The following STAC variants were observed in gnomAD, a reference collection of about 807,000 sequenced individuals.
STAC encodes SH3 and cysteine rich domain, also known as SH3 and cysteine-rich domain-containing protein.
In STAC, 43 loss-of-function variants were observed where a neutral mutation model predicts 48.8. That is an observed-to-expected ratio of 0.88 (90% CI 0.69 to 1.14). The LOEUF (loss-of-function observed/expected upper bound fraction) is 1.14. Ranked by LOEUF, STAC falls within the 50% of genes most tolerant of loss-of-function variation. The pLI is 0.00. For missense variants in STAC, 497 were observed against 504.0 expected, an observed-to-expected ratio of 0.99 and a Z score of 0.13; for synonymous variants, 193 against 179.5, an observed-to-expected ratio of 1.07 and a Z score of -0.60.
At chr3:36,404,510 A>G (rs1322063344) in intron 1 of STAC, among the ~76,000 whole-genome samples, 2 of 152,220 alleles carry the variant, frequency 1.3e-5, no homozygotes, top group Non-Finnish European at 1.5e-5. Flanking sequence ...ATGCTCATGT[A>G]TATAAATACT....
chr3:36,536,710 C>T (rs1268971911), intron 10 of STAC, among the ~76,000 whole-genome samples: 1 of 151,984 alleles, frequency 6.6e-6, no homozygotes, highest in Non-Finnish European at 1.5e-5. Context: ...AGCTTCTGCA[C>T]AGCAAAAGAA....
intron 2 of STAC, among the ~76,000 whole-genome samples, chr3:36,478,414 T>C (rs997794612): frequency 1.3e-5 from 2 of 152,252 alleles, no homozygotes; most frequent in African/African-American, 4.8e-5. Flanking sequence ...CATGTATCTA[T>C]AATTATTTTT....
chr3:36,527,995 C>A (rs1232858778), intron 8 of STAC, among the ~76,000 whole-genome samples: 1 of 151,852 alleles, frequency 6.6e-6, no homozygotes, highest in Non-Finnish European at 1.5e-5. Context: ...ATGACCAATT[C>A]TAGATGTCAA....
intron 2 of STAC, among the ~76,000 whole-genome samples, chr3:36,476,018 G>C (rs1321596496): frequency 1.3e-5 from 2 of 152,256 alleles, no homozygotes; most frequent in African/African-American, 4.8e-5. Context: ...AGGCAGACTT[G>C]AACCTGGTGG....
intron 10 of STAC, among the ~76,000 whole-genome samples, chr3:36,533,475 G>GTTTTTTTTTTTTTTTTTTTTTTTTTT (rs58981589): frequency 1.6e-5 from 1 of 61,396 alleles, no homozygotes; most frequent in African/African-American, 6.4e-5. Flanking sequence ...TTGCTAGCAT[G>GTTTTTTTTTTTTTTTTTTTTTTTTTT]TTTTTTTTTT....
Position 36,380,750 on chromosome 3 carries a change from C to A in STAC, c.107C>A (p.Ser36Tyr). The A allele has an allele frequency of 6.2e-7, 1 of 1,610,144 alleles. No homozygotes were observed. The highest frequency in any genetic ancestry group is 1.7e-5 in the Admixed American group (1 of 59,776). ...PSPASTSSQE[S>Y]KLQKLKRSLS... ...CCTGCATCCACCAGCAGCCAGGAAT[C>A]CAAGGTACCGAGCACGCTTGCCCCC... The change falls in exon 1 of 11, where the codon TCC (serine) becomes TAC (tyrosine). Residue 36 changes from serine (S) to tyrosine (Y), a missense_variant. Coordinates refer to ENST00000273183, the MANE Select transcript of STAC (RefSeq NM_003149.3).
intron 1 of STAC, among the ~76,000 whole-genome samples, chr3:36,398,128 C>T (rs1413290070): frequency 6.6e-6 from 1 of 151,890 alleles, no homozygotes; most frequent in Non-Finnish European, 1.5e-5. Context: ...TCTCTGAGCC[C>T]GTGCATCTGG....
At chr3:36,542,558 C>T (rs1467156855) in intron 10 of STAC, among the ~76,000 whole-genome samples, 2 of 152,322 alleles carry the variant, frequency 1.3e-5, no homozygotes, top group East Asian at 3.9e-4. Context: ...TTATTTTCCT[C>T]CTTCCTACAC....
intron 8 of STAC, among the ~76,000 whole-genome samples, chr3:36,523,032 A>G (rs1452277562): frequency 6.6e-6 from 1 of 152,212 alleles, no homozygotes; most frequent in Non-Finnish European, 1.5e-5. Flanking sequence ...AGATGGTTCC[A>G]ATGCCCATAT....
chr3:36,459,177 A>G (rs1202901232), intron 2 of STAC: 1 of 152,234 alleles, frequency 6.6e-6, no homozygotes, highest in African/African-American at 2.4e-5. Context: ...TTTCTTGCAT[A>G]CATATTCATC....
intron 10 of STAC, among the ~76,000 whole-genome samples, chr3:36,540,877 G>A (rs762148331): frequency 3.9e-5 from 6 of 152,158 alleles, no homozygotes; most frequent in Non-Finnish European, 8.8e-5. Flanking sequence ...TTCTAAATTT[G>A]TGGTGATTTG....
chr3:36,388,757 GT>G (rs1168188101), intron 1 of STAC, among the ~76,000 whole-genome samples: 5 of 151,686 alleles, frequency 3.3e-5, no homozygotes, highest in African/African-American at 7.3e-5. Flanking sequence ...GAAATTTTAC[GT>G]TTTTTATGTA....
chr3:36,383,353 T>C (rs1699553983), intron 1 of STAC, among the ~76,000 whole-genome samples: 1 of 143,012 alleles, frequency 7.0e-6, no homozygotes, highest in South Asian at 2.2e-4. Context: ...TTATGGAAAA[T>C]TTTAATATAC....
intron 1 of STAC, among the ~76,000 whole-genome samples, chr3:36,383,564 GTT>G (rs1699557507): frequency 6.6e-6 from 1 of 152,002 alleles, no homozygotes; most frequent in Non-Finnish European, 1.5e-5. Context: ...AAGGATAAGG[GTT>G]ATTTTCATTT....
At chr3:36,486,631 A>G (rs1265497411) in intron 5 of STAC, among the ~76,000 whole-genome samples, 4 of 152,218 alleles carry the variant, frequency 2.6e-5, no homozygotes. Context: ...GTTTAGCTAC[A>G]TTCCAGTTCA....
chr3:36,475,120 T>C (rs1050168952), intron 2 of STAC, among the ~76,000 whole-genome samples: 4 of 152,126 alleles, frequency 2.6e-5, no homozygotes, highest in South Asian at 2.1e-4. Flanking sequence ...TTTGTCTATA[T>C]GAGAAGGGGA....
chr3:36,483,105 G>T lies in STAC; in HGVS notation c.489+13G>T, dbSNP rs1040650093. 3 of 1,604,704 alleles carry T rather than the reference G, an allele frequency of 1.9e-6. No individual in the cohort carries two copies. Among genetic ancestry groups the T allele is most frequent in the Non-Finnish European group, 2.6e-6 (3 of 1,171,632 alleles). Reference sequence around the variant, plus strand: ...CATGGGCAAGCTGGTAAGGGCTTGTGCCAGGAGTGAGGCCCACACCTCTCT... The same window carrying T: ...CATGGGCAAGCTGGTAAGGGCTTGTTCCAGGAGTGAGGCCCACACCTCTCT... On this transcript the variant is annotated intron_variant, in intron 3 of 10. Transcript: ENST00000273183.
Position 36,443,687 on chromosome 3 carries a change from C to T in STAC, c.388+47C>T, listed in dbSNP as rs1696425444. ...TCCAGATCCCAGCACCCCCGGAAAGCTGAGTGAGAGTGGTGTGCCACGGGT... is the reference window on the plus strand; with the variant it reads ...TCCAGATCCCAGCACCCCCGGAAAGTTGAGTGAGAGTGGTGTGCCACGGGT... On this transcript the variant is annotated intron_variant, in intron 2 of 10. Transcript: ENST00000273183. The surrounding 1 kb of genome is among the most constrained non-coding windows in gnomAD (Gnocchi z 4.2). 6.3e-7 allele frequency: 1 copy of T among 1,592,800 alleles called. No individual in the cohort carries two copies. The highest frequency in any genetic ancestry group is 1.3e-5 in the African/African-American group (1 of 74,768).
At chr3:36,387,650 T>C (rs937680332) in intron 1 of STAC, among the ~76,000 whole-genome samples, 7 of 152,154 alleles carry the variant, frequency 4.6e-5, no homozygotes, top group Admixed American at 3.3e-4. Flanking sequence ...ATCTATGTTG[T>C]GGCATGTATC....
Sources: allele counts gnomAD v4.1 joint callset (sites outside exome capture counted in the v4.1 genomes callset), GRCh38; gene constraint gnomAD v4.1.1; non-coding constraint Gnocchi (gnomAD v3.1); transcripts MANE v1.5; gene names NCBI Gene and HGNC (gene_info 2026-07-23, HGNC 2026-07-21).